The following RORA variants were observed in gnomAD, a reference collection of about 807,000 sequenced individuals.
RORA encodes the protein nuclear receptor ROR-alpha.
RORA carries 7 observed loss-of-function variants against 69.5 expected under a neutral mutation model. The ratio of observed to expected loss-of-function variants is 0.10; its 90% CI spans 0.06 to 0.19. The LOEUF (loss-of-function observed/expected upper bound fraction) is 0.19, where lower values mean the gene tolerates loss of function less well. RORA is among the 10% of genes least tolerant of loss of function. The probability of loss-of-function intolerance (pLI) is 1.00; values close to 1 mark genes in which losing one functional copy is unlikely to be tolerated. For synonymous variants in RORA, 261 were observed against 240.8 expected (o/e 1.08, Z -0.78); for missense variants, 457 against 663.0 (o/e 0.69, Z 3.41).
intron 1 of RORA, among the ~76,000 whole-genome samples, chr15:60,963,092 A>G (rs1397284449): frequency 6.6e-6 from 1 of 152,250 alleles, no homozygotes; most frequent in Non-Finnish European, 1.5e-5. Context: ...CAGATGCTCT[A>G]CATGCATATG....
intron 1 of RORA, among the ~76,000 whole-genome samples, chr15:61,014,439 A>G (rs1445949141): frequency 6.6e-6 from 1 of 152,226 alleles, no homozygotes; most frequent in African/African-American, 2.4e-5. Flanking sequence ...TCTATTAGGC[A>G]TAAGTATCCT....
chr15:60,645,637 C>A (rs913667804), intron 2 of RORA, among the ~76,000 whole-genome samples: 1 of 152,120 alleles, frequency 6.6e-6, no homozygotes, highest in Non-Finnish European at 1.5e-5. Flanking sequence ...AAGTGATCCA[C>A]CCGCCTCAGC....
chr15:61,033,979 A>G (rs1268876776), intron 1 of RORA, among the ~76,000 whole-genome samples: 4 of 152,226 alleles, frequency 2.6e-5, no homozygotes, highest in Non-Finnish European at 5.9e-5. Context: ...TGTTACGTTA[A>G]ATAAGCTGCA....
At chr15:60,801,951 G>A (rs1228155585) in intron 1 of RORA, among the ~76,000 whole-genome samples, 1 of 152,212 alleles carries the variant, frequency 6.6e-6, no homozygotes, top group Non-Finnish European at 1.5e-5. Context: ...CGTTAGCTAG[G>A]TAGGAAATGA....
chr15:60,951,928 T>C (rs1278744349), intron 1 of RORA, among the ~76,000 whole-genome samples: 3 of 150,562 alleles, frequency 2.0e-5, no homozygotes, highest in Non-Finnish European at 4.4e-5. Flanking sequence ...GAATCCTCCC[T>C]AACTCATTTT....
intron 1 of RORA, among the ~76,000 whole-genome samples, chr15:61,189,211 A>G (rs1369125742): frequency 6.6e-6 from 1 of 152,172 alleles, no homozygotes; most frequent in Non-Finnish European, 1.5e-5. Flanking sequence ...GAATAAACGC[A>G]TTTTTACATT....
chr15:61,175,628 G>A (rs1206494302), intron 1 of RORA, among the ~76,000 whole-genome samples: 1 of 151,818 alleles, frequency 6.6e-6, no homozygotes, highest in Admixed American at 6.6e-5. Context: ...GGGCGTGGGG[G>A]ATTGCTTGAG....
intron 1 of RORA, among the ~76,000 whole-genome samples, chr15:61,044,203 A>C (rs1896917185): frequency 1.3e-5 from 2 of 152,184 alleles, no homozygotes; most frequent in African/African-American, 4.8e-5. Flanking sequence ...ATTTTTCCTC[A>C]AGGGGATGGG....
At chr15:61,157,215 G>C (rs1427742082) in intron 1 of RORA, among the ~76,000 whole-genome samples, 1 of 152,086 alleles carries the variant, frequency 6.6e-6, no homozygotes, top group East Asian at 1.9e-4. Context: ...GAACCATTAA[G>C]TTTTGACACC....
chr15:60,557,543 C>G (rs2067404169), intron 2 of RORA, among the ~76,000 whole-genome samples: 1 of 152,200 alleles, frequency 6.6e-6, no homozygotes. Flanking sequence ...GTTATAAACT[C>G]TGGGATGGAG....
At chr15:60,507,050 G>T (rs2065529945) in intron 5 of RORA, among the ~76,000 whole-genome samples, 1 of 151,702 alleles carries the variant, frequency 6.6e-6, no homozygotes. Context: ...TTGGTGTATT[G>T]GAGCACAGAG....
chr15:61,114,826 G>C (rs1009953265), intron 1 of RORA, among the ~76,000 whole-genome samples: 2 of 152,190 alleles, frequency 1.3e-5, no homozygotes, highest in Non-Finnish European at 2.9e-5. Flanking sequence ...ACATGGTCAG[G>C]ACAACCCCCA....
At chr15:61,076,915 CT>C (rs1375260297) in intron 1 of RORA, among the ~76,000 whole-genome samples, 1 of 150,780 alleles carries the variant, frequency 6.6e-6, no homozygotes, top group Non-Finnish European at 1.5e-5. Context: ...ACTCTACCCC[CT>C]CTCCCTTGCT....
intron 1 of RORA, among the ~76,000 whole-genome samples, chr15:60,827,694 G>T (rs2072984546): frequency 6.6e-6 from 1 of 152,324 alleles, no homozygotes; most frequent in East Asian, 1.9e-4. Flanking sequence ...AGGAATCTGG[G>T]TTGGGTGAGC....
intron 1 of RORA, among the ~76,000 whole-genome samples, chr15:61,020,058 A>G (rs1895452135): frequency 6.6e-6 from 1 of 152,218 alleles, no homozygotes; most frequent in Non-Finnish European, 1.5e-5. Context: ...TGTCTGCTGG[A>G]CATCATCACA....
At chr15:60,751,939 T>C (rs1388977998) in intron 1 of RORA, among the ~76,000 whole-genome samples, 1 of 151,616 alleles carries the variant, frequency 6.6e-6, no homozygotes, top group Non-Finnish European at 1.5e-5. Context: ...AGCAGAAGAG[T>C]TTGGGAAGAG....
intron 1 of RORA, among the ~76,000 whole-genome samples, chr15:61,224,347 T>C (rs975263102): frequency 1.1e-4 from 16 of 152,188 alleles, no homozygotes; most frequent in African/African-American, 3.9e-4. Context: ...ATTATTTGTT[T>C]TTGCACACAT....
rs1895060978 is a variant in RORA, at chr15:61,010,748, G to A, written c.166+218305C>T. 5.3e-5 allele frequency among the ~76,000 whole-genome samples: 8 copies of A among 152,138 alleles called. No homozygotes were observed. In the South Asian group the frequency reaches 1.5e-3, roughly 28 times the overall value. Reference sequence around the variant, plus strand: ...TCATATTAGGACTTAGTTGCAAGGGGGTGCTGTGTTATGCCCAGTGGACAA... The same window carrying A: ...TCATATTAGGACTTAGTTGCAAGGGAGTGCTGTGTTATGCCCAGTGGACAA... On this transcript the variant is annotated intron_variant, in intron 1 of 10. Transcript: ENST00000335670.
chr15:60,728,888 A>T (rs1189735797), intron 1 of RORA, among the ~76,000 whole-genome samples: 1 of 152,230 alleles, frequency 6.6e-6, no homozygotes, highest in Non-Finnish European at 1.5e-5. Flanking sequence ...TAAAAACTTT[A>T]TACAATAATA....
Sources: gnomAD v4.1 joint callset for allele counts (sites outside exome capture counted in the v4.1 genomes callset) on GRCh38, gnomAD v4.1.1 for gene constraint, MANE v1.5 for transcripts, NCBI Gene and HGNC (gene_info 2026-07-23, HGNC 2026-07-21) for gene names.